The following SH3PXD2A variants were observed in gnomAD, a reference collection of about 807,000 sequenced individuals.
The protein encoded by SH3PXD2A is SH3 and PX domains 2A.
In SH3PXD2A, 32 loss-of-function variants were observed where a neutral mutation model predicts 115.2. The ratio of observed to expected loss-of-function variants is 0.28; its 90% CI spans 0.21 to 0.37. The LOEUF is 0.37. Ranked by LOEUF, SH3PXD2A falls within the 10% of genes least tolerant of loss-of-function variation. SH3PXD2A has a pLI of 1.00. For missense variants in SH3PXD2A, 1,328 were observed against 1,498.7 expected, an observed-to-expected ratio of 0.89 and a Z score of 1.88; for synonymous variants, 610 against 629.1, an observed-to-expected ratio of 0.97 and a Z score of 0.45.
chr10:103,790,925 T>TC (rs1426527866), intron 2 of SH3PXD2A, among the ~76,000 whole-genome samples: 2 of 152,244 alleles, frequency 1.3e-5, no homozygotes, highest in Non-Finnish European at 2.9e-5. Flanking sequence ...GCGGACATCG[T>TC]TAACATCAGT....
At chr10:103,660,477 A>T (rs1279844164) in intron 8 of SH3PXD2A, among the ~76,000 whole-genome samples, 1 of 152,096 alleles carries the variant, frequency 6.6e-6, no homozygotes, top group East Asian at 1.9e-4. Context: ...GGGGGCAGTC[A>T]GATCCCCAAC....
intron 8 of SH3PXD2A, among the ~76,000 whole-genome samples, chr10:103,651,392 G>A (rs2037119741): frequency 6.6e-6 from 1 of 152,232 alleles, no homozygotes; most frequent in African/African-American, 2.4e-5. Context: ...GCTGCCCCTG[G>A]CCTTTCTCCT....
At chr10:103,656,579 C>T (rs1482933838) in intron 8 of SH3PXD2A, among the ~76,000 whole-genome samples, 3 of 152,126 alleles carry the variant, frequency 2.0e-5, no homozygotes, top group Non-Finnish European at 4.4e-5. Context: ...CCTGTGATCC[C>T]AGCACTTTGG....
chr10:103,795,815 C>T (rs2039079963), intron 2 of SH3PXD2A, among the ~76,000 whole-genome samples: 1 of 151,228 alleles, frequency 6.6e-6, no homozygotes, highest in Admixed American at 6.6e-5. Context: ...GGCACACCGC[C>T]TGGATGTACA....
At chr10:103,774,974 A>G (rs1216602651) in intron 2 of SH3PXD2A, among the ~76,000 whole-genome samples, 1 of 152,110 alleles carries the variant, frequency 6.6e-6, no homozygotes, top group Non-Finnish European at 1.5e-5. Context: ...ATTTCTAATG[A>G]TCTATATTCA....
At chr10:103,626,990 C>T (rs1257466874) in intron 9 of SH3PXD2A, 99 bp downstream of exon 9, 3 of 707,350 alleles carry the variant, frequency 4.2e-6, no homozygotes, top group African/African-American at 3.5e-5. Context: ...GGATATGGCT[C>T]AGCTCACTTT....
intron 8 of SH3PXD2A, among the ~76,000 whole-genome samples, chr10:103,632,643 T>A (rs1305978055): frequency 6.6e-6 from 1 of 152,158 alleles, no homozygotes; most frequent in Non-Finnish European, 1.5e-5. Flanking sequence ...GCCAAGGTAG[T>A]GGCAGGCTCT....
rs1317696211 is a variant in SH3PXD2A, at chr10:103,620,842, A to G, written c.802+1628T>C. Among the ~76,000 whole-genome samples, 1 of 152,150 alleles carries G rather than the reference A, an allele frequency of 6.6e-6. No homozygotes were observed. The highest frequency in any genetic ancestry group is 6.5e-5 in the Admixed American group (1 of 15,270). On this transcript the variant is annotated intron_variant, in intron 10 of 14. Transcript: ENST00000369774. The surrounding 1 kb of genome is among the most constrained non-coding windows in gnomAD (Gnocchi z 5.3). ...ATCACTGTATGTCTGTGACTGGCAT[A>G]TATGTGGTGCAAGGCGTTGTGTGTA...
intron 9 of SH3PXD2A, among the ~76,000 whole-genome samples, chr10:103,625,245 G>C (rs2036674202): frequency 6.6e-6 from 1 of 152,198 alleles, no homozygotes; most frequent in Admixed American, 6.5e-5. Context: ...TCAGTGCCTA[G>C]GTCCTCCATA....
rs368126526 is a variant in SH3PXD2A at position 103,602,992 on chromosome 10, C to T, written c.2226G>A (p.Ala742=). The T allele has an allele frequency of 1.5e-5, 25 of 1,614,062 alleles. No homozygotes were observed. In the African/African-American group the frequency reaches 2.5e-4, roughly 16 times the overall value. The stretch of plus-strand genomic sequence containing the variant: ...GGGGACAGGAGGTCAGCCCAGCGTT[C>T]GCATCAGCATCCTTCTTTGCCCTGA... ...PKVRAKKDAD[A]NAGLTSCPRA... The change falls in exon 15 of 15, where the codon GCG becomes GCA. Residue 742 remains alanine (A), a synonymous_variant. Coordinates refer to ENST00000369774, the MANE Select transcript of SH3PXD2A (RefSeq NM_001394015.1).
chr10:103,702,596 C>CGTGTGTGTGCGTGTGTGTGT (rs1554913267), intron 5 of SH3PXD2A, among the ~76,000 whole-genome samples: 13 of 147,562 alleles, frequency 8.8e-5, no homozygotes, highest in African/African-American at 3.0e-4. Flanking sequence ...TGTGTGTGTG[C>CGTGTGTGTGCGTGTGTGTGT]GTGTGTGTGT....
chr10:103,755,732 T>G (rs2038633124), intron 3 of SH3PXD2A, among the ~76,000 whole-genome samples: 1 of 152,174 alleles, frequency 6.6e-6, no homozygotes, highest in African/African-American at 2.4e-5. Context: ...CCCAAAGTCA[T>G]TGCTCAGAAC....
chr10:103,734,805 G>C (rs1034988748), intron 4 of SH3PXD2A, among the ~76,000 whole-genome samples: 1 of 152,120 alleles, frequency 6.6e-6, no homozygotes, highest in East Asian at 1.9e-4. Flanking sequence ...TCATTTGCTT[G>C]TTTATTTAAT....
chr10:103,721,097 A>G (rs1475411114), intron 5 of SH3PXD2A, among the ~76,000 whole-genome samples: 2 of 152,212 alleles, frequency 1.3e-5, no homozygotes, highest in Admixed American at 6.5e-5. Flanking sequence ...GGAGCGGCCA[A>G]ATGCTTCACA....
At chr10:103,793,352 T>C (rs929508112) in intron 2 of SH3PXD2A, among the ~76,000 whole-genome samples, 1 of 152,200 alleles carries the variant, frequency 6.6e-6, no homozygotes, top group African/African-American at 2.4e-5. Context: ...ATAATTATTA[T>C]CATACTATAA....
At chr10:103,681,867 T>A (rs1004588447) in intron 6 of SH3PXD2A, among the ~76,000 whole-genome samples, 1 of 152,056 alleles carries the variant, frequency 6.6e-6, no homozygotes, top group African/African-American at 2.4e-5. Flanking sequence ...TTGAGGAGCT[T>A]GGGAGTTTGA....
At chr10:103,800,913 C>T (rs766490845) in intron 2 of SH3PXD2A, among the ~76,000 whole-genome samples, 8 of 152,196 alleles carry the variant, frequency 5.3e-5, no homozygotes, top group Non-Finnish European at 8.8e-5. Context: ...TTTTCTTTGC[C>T]TGCAATGATG....
At chr10:103,737,578 C>A (rs1348207093) in intron 3 of SH3PXD2A, among the ~76,000 whole-genome samples, 1 of 152,168 alleles carries the variant, frequency 6.6e-6, no homozygotes, top group Non-Finnish European at 1.5e-5. Context: ...AACTAGAGCT[C>A]AATTCTGCTG....
Position 103,620,697 on chromosome 10 carries a change from G to A in SH3PXD2A, c.802+1773C>T, listed in dbSNP as rs2036589767. On this transcript the variant is annotated intron_variant, in intron 10 of 14. Transcript: ENST00000369774. This position sits in a 1 kb window ranked among gnomAD's most constrained non-coding sequence, Gnocchi z 5.3. ...CATCAGGCTGAGGCTGGGACATTAT[G>A]TTGTTTAGGTCTCTTATTTAAGAGA... 6.6e-6 allele frequency among the ~76,000 whole-genome samples: 1 copy of A among 152,148 alleles called. No homozygotes were observed. Among genetic ancestry groups the A allele is most frequent in the Non-Finnish European group, 1.5e-5 (1 of 68,032 alleles).
Sources: gnomAD v4.1 joint callset for allele counts (sites outside exome capture counted in the v4.1 genomes callset) on GRCh38, gnomAD v4.1.1 for gene constraint, Gnocchi (gnomAD v3.1) non-coding constraint, MANE v1.5 for transcripts, NCBI Gene and HGNC (gene_info 2026-07-23, HGNC 2026-07-21) for gene names.